The following MYT1 variants were observed in gnomAD, a reference collection of about 807,000 sequenced individuals.
The protein encoded by MYT1 is myelin transcription factor I.
Under a neutral mutation model 123.0 loss-of-function variants are expected in MYT1, and 23 were observed. The observed-to-expected ratio is 0.19, with a 90% CI of 0.13 to 0.26. The LOEUF is 0.26. Among genes scored for constraint, MYT1 ranks in the 10% least tolerant of loss-of-function variants. The pLI, the probability that MYT1 is intolerant of heterozygous loss-of-function variation, is 1.00. For missense variants in MYT1, 1,125 were observed against 1,472.5 expected (o/e 0.76, Z 3.86); for synonymous variants, 518 against 575.3 (o/e 0.90, Z 1.43).
Position 64,221,880 on chromosome 20 carries a change from TG to T in MYT1, c.2242-11del. The T allele has an allele frequency of 6.2e-7, 1 of 1,612,428 alleles. No homozygotes were observed. The highest frequency in any genetic ancestry group is 8.5e-7 in the Non-Finnish European group (1 of 1,179,728). ...CCAGCCGGTTAAAACATCTTCCTGC[TG>T]GTTTTTTGCAGTCAGAGCCAGCAGC... is the stretch of plus-strand genomic sequence containing the variant. On this transcript the variant is annotated splice_polypyrimidine_tract_variant and intron_variant, in intron 13 of 22. Transcript: ENST00000328439.
At position 64,212,458 on chromosome 20, in the gene MYT1, G is replaced by T. The variant is rs1313639630; in HGVS notation, c.1517+320G>T. Among the ~76,000 whole-genome samples the T allele has an allele frequency of 6.6e-6, 1 of 152,322 alleles. No individual in the cohort carries two copies. Among genetic ancestry groups the T allele is most frequent in the East Asian group, 1.9e-4 (1 of 5,180 alleles). ...TGAGGGGCCTTTGTGAGGGCAGAGT[G>T]GCAACTGGAGGTGCAGTCACCCAGT... On this transcript the variant is annotated intron_variant, in intron 9 of 22. Transcript: ENST00000328439. This position sits in a 1 kb window ranked among gnomAD's most constrained non-coding sequence, Gnocchi z 6.8.
At chr20:64,170,911 A>G (rs1569303868) in intron 1 of MYT1, among the ~76,000 whole-genome samples, 1 of 130,750 alleles carries the variant, frequency 7.6e-6, no homozygotes, top group African/African-American at 2.9e-5. Flanking sequence ...AGAGAGAGAG[A>G]GAGAGAGAGA....
chr20:64,185,615 A>G lies in MYT1; in HGVS notation c.-98-4448A>G, dbSNP rs1982777403. On this transcript the variant is annotated intron_variant, in intron 1 of 22. Coordinates refer to ENST00000328439, the MANE Select transcript of MYT1 (RefSeq NM_004535.3). The surrounding 1 kb of genome is among the most constrained non-coding windows in gnomAD (Gnocchi z 4.5). ...GGAGTGGATCAGAGCTAACTGCCAC[A>G]GGGACTCCCATCCGGAGGCCCAGGG... 1.3e-5 allele frequency among the ~76,000 whole-genome samples: 2 copies of G among 152,194 alleles called. No individual in the cohort carries two copies. The highest frequency in any genetic ancestry group is 2.1e-4 in the South Asian group (1 of 4,828).
intron 12 of MYT1, 139 bp downstream of exon 12, chr20:64,219,174 C>A: frequency 8.2e-7 from 1 of 1,218,468 alleles, no homozygotes; most frequent in Non-Finnish European, 1.1e-6. Context: ...AACTTTTTCT[C>A]CCTCCTGGCC....
chr20:64,238,140 T>TGAAAATAA (rs1454527140), intron 21 of MYT1, among the ~76,000 whole-genome samples: 5 of 151,986 alleles, frequency 3.3e-5, no homozygotes, highest in Admixed American at 1.3e-4. Flanking sequence ...GATCTTATTT[T>TGAAAATAA]GAAAATAAGA....
chr20:64,238,162 C>T (rs1471241278), intron 21 of MYT1, among the ~76,000 whole-genome samples: 4 of 152,098 alleles, frequency 2.6e-5, no homozygotes, highest in African/African-American at 7.2e-5. Context: ...CATGCCCCAC[C>T]TGTGGCTGCT....
chr20:64,173,334 G>A (rs533816882), intron 1 of MYT1, among the ~76,000 whole-genome samples: 3 of 152,294 alleles, frequency 2.0e-5, no homozygotes, highest in Admixed American at 1.3e-4. Context: ...GGACAGGTGC[G>A]GCTGATAGAG....
rs926482842 is a variant in MYT1 at position 64,232,635 on chromosome 20, T to A, written c.2897+250T>A. 6.6e-6 allele frequency among the ~76,000 whole-genome samples: 1 copy of A among 152,042 alleles called. No individual in the cohort carries two copies. Among genetic ancestry groups the A allele is most frequent in the African/African-American group, 2.4e-5 (1 of 41,368 alleles). On this transcript the variant is annotated intron_variant, in intron 19 of 22. Coordinates refer to ENST00000328439, the MANE Select transcript of MYT1 (RefSeq NM_004535.3). The surrounding 1 kb of genome is among the most constrained non-coding windows in gnomAD (Gnocchi z 6.9). The stretch of plus-strand genomic sequence containing the variant: ...GCCACCCTTCCACATCCTGATGGAG[T>A]CCTTCCTGGCTGGGTGTTATGCTGG...
chr20:64,177,731 C>A (rs1212509670), intron 1 of MYT1, among the ~76,000 whole-genome samples: 1 of 148,448 alleles, frequency 6.7e-6, no homozygotes, highest in African/African-American at 2.6e-5. Flanking sequence ...AGGCTGGGGG[C>A]AGGGGCAAAT....
chr20:64,179,768 C>T (rs1982583082), intron 1 of MYT1, among the ~76,000 whole-genome samples: 1 of 151,998 alleles, frequency 6.6e-6, no homozygotes. Flanking sequence ...CTCTAGTGGA[C>T]ATGGCTGGGA....
intron 19 of MYT1, among the ~76,000 whole-genome samples, chr20:64,235,960 G>T (rs537067056): frequency 6.9e-6 from 1 of 143,954 alleles, no homozygotes; most frequent in South Asian, 2.3e-4. Context: ...GGACGTGGTG[G>T]GTGACCCTGG....
In MYT1 at chr20:64,218,779, G is replaced by T. The variant is rs1431686421; in HGVS notation, c.1847-132G>T. ...CCCTCCCCACTGACTTGTCTGCATT[G>T]CTGCCTCTTTTCAAGTTGTATATCA... On this transcript the variant is annotated intron_variant, in intron 11 of 22. Coordinates refer to ENST00000328439, the MANE Select transcript of MYT1 (RefSeq NM_004535.3). This position sits in a 1 kb window ranked among gnomAD's most constrained non-coding sequence, Gnocchi z 4.0. The T allele has an allele frequency of 2.9e-5, 32 of 1,089,574 alleles. No homozygotes were observed. Among genetic ancestry groups the T allele is most frequent in the Middle Eastern group, 2.1e-4 (1 of 4,842 alleles). 67.5% of individuals were successfully genotyped at this position (1,089,574 alleles called of 1,614,324 possible).
At chr20:64,211,480 A>T in intron 8 of MYT1, 140 bp downstream of exon 8, 1 of 885,782 alleles carries the variant, frequency 1.1e-6, no homozygotes. Context: ...TCATCCTTAC[A>T]TCTCCCCGCT....
In MYT1 at chr20:64,192,811, AG is replaced by A. The variant is rs1400852782; in HGVS notation, c.-1+2654del. On this transcript the variant is annotated intron_variant, in intron 2 of 22. Transcript: ENST00000328439. This position sits in a 1 kb window ranked among gnomAD's most constrained non-coding sequence, Gnocchi z 5.3. ...GGACTACTGGACAGAGGCTCCTGCA[AG>A]GGAAGGAGCTGCCACTGGGTATGGC... Among the ~76,000 whole-genome samples the A allele has an allele frequency of 6.6e-6, 1 of 152,228 alleles. No homozygotes were observed. The highest frequency in any genetic ancestry group is 1.5e-5 in the Non-Finnish European group (1 of 68,028).
intron 16 of MYT1, among the ~76,000 whole-genome samples, chr20:64,223,882 A>G (rs1402656974): frequency 6.6e-6 from 1 of 151,612 alleles, no homozygotes; most frequent in Non-Finnish European, 1.5e-5. Flanking sequence ...CCCTCCCCCC[A>G]TGCTCATGCC....
At chr20:64,237,144 G>A in intron 20 of MYT1, 143 bp from the exon 21 acceptor site, 1 of 625,788 alleles carries the variant, frequency 1.6e-6, no homozygotes, top group South Asian at 1.9e-5. Context: ...ATGAGCCCCA[G>A]AGAGAGATGA....
chr20:64,202,026 G>A lies in MYT1; in HGVS notation c.86+2104G>A, dbSNP rs899198627. 4.0e-5 allele frequency among the ~76,000 whole-genome samples: 6 copies of A among 151,576 alleles called. No individual in the cohort carries two copies. Among genetic ancestry groups the A allele is most frequent in the African/African-American group, 1.2e-4 (5 of 41,320 alleles). ...GCGTGTCGGGAACCCCTCGCGTGTC[G>A]GGAACCCCCGCGTGTCGGGAACCTC... is the stretch of plus-strand genomic sequence containing the variant. On this transcript the variant is annotated intron_variant, in intron 4 of 22. Coordinates refer to ENST00000328439, the MANE Select transcript of MYT1 (RefSeq NM_004535.3). The surrounding 1 kb of genome is among the most constrained non-coding windows in gnomAD (Gnocchi z 5.0).
chr20:64,164,541 T>G lies in MYT1; in HGVS notation c.-297T>G, dbSNP rs1194051275. On this transcript the variant is annotated 5_prime_UTR_variant, in exon 1 of 23. Transcript: ENST00000328439. ...AAGTAAATGAGACGTCGCCTTTAGC[T>G]GGCTTAGGAGTTCGCACACTAAGGG... 6.6e-6 allele frequency: 1 copy of G among 152,176 alleles called. No homozygotes were observed. The highest frequency in any genetic ancestry group is 2.4e-5 in the African/African-American group (1 of 41,410). The allele number at this position is 152,176 out of a possible 1,614,324, so 9.4% of individuals were successfully genotyped here. A position where few individuals can be genotyped will look rare whatever the true frequency, so the allele number is the denominator to read the frequency against.
intron 1 of MYT1, among the ~76,000 whole-genome samples, chr20:64,165,132 G>A (rs1041051242): frequency 1.3e-5 from 2 of 152,078 alleles, no homozygotes; most frequent in African/African-American, 4.8e-5. Context: ...TACCTGGGGA[G>A]AGCACTGGCC....
Sources: allele counts gnomAD v4.1 joint callset (sites outside exome capture counted in the v4.1 genomes callset), GRCh38; gene constraint gnomAD v4.1.1; non-coding constraint Gnocchi (gnomAD v3.1); transcripts MANE v1.5; gene names NCBI Gene and HGNC (gene_info 2026-07-23, HGNC 2026-07-21).